RGS7: variants seen among roughly 807,000 people sequenced by gnomAD.
RGS7 encodes the protein regulator of G protein signaling 7, also known as regulator of G-protein signaling 7.
Under a neutral mutation model 81.1 loss-of-function variants are expected in RGS7, and 27 were observed. The ratio of observed to expected loss-of-function variants is 0.33; its 90% CI spans 0.25 to 0.46. The LOEUF (loss-of-function observed/expected upper bound fraction) is 0.46. RGS7 is among the 20% of genes least tolerant of loss of function. The pLI is 1.00. For missense variants in RGS7, 396 were observed against 607.4 expected, an observed-to-expected ratio of 0.65 and a Z score of 3.66; for synonymous variants, 208 against 207.7, an observed-to-expected ratio of 1.00 and a Z score of -0.01.
At chr1:240,792,896 TTTG>T (rs758420412) in intron 18 of RGS7, among the ~76,000 whole-genome samples, 2 of 152,108 alleles carry the variant, frequency 1.3e-5, no homozygotes, top group Non-Finnish European at 1.5e-5. Context: ...CAATAACTGT[TTTG>T]TTGTTGTTGT....
Position 241,248,401 on chromosome 1 carries a change from TATATATATATAC to T in RGS7, c.78+107286_78+107297del, listed in dbSNP as rs1315600885. 6.8e-5 allele frequency among the ~76,000 whole-genome samples: 10 copies of T among 147,556 alleles called. No homozygotes were observed. In the South Asian group the frequency reaches 1.5e-3, roughly 22 times the overall value. ...ATGTATATATACATACATACATATG[TATATATATATAC>T]ATATATATATAATCAAATAATCTCT... is the stretch of plus-strand genomic sequence containing the variant. On this transcript the variant is annotated intron_variant, in intron 2 of 18. Transcript: ENST00000440928.
chr1:241,282,949 T>C (rs1317658204), intron 2 of RGS7, among the ~76,000 whole-genome samples: 4 of 152,212 alleles, frequency 2.6e-5, no homozygotes, highest in African/African-American at 7.2e-5. Flanking sequence ...GTCGGTTCTT[T>C]ATAGAAGTAA....
intron 3 of RGS7, among the ~76,000 whole-genome samples, chr1:241,066,602 AG>A (rs1272694191): frequency 6.6e-6 from 1 of 151,812 alleles, no homozygotes; most frequent in African/African-American, 2.4e-5. Flanking sequence ...TTTTCTCCTA[AG>A]AAACCCCATC....
intron 2 of RGS7, among the ~76,000 whole-genome samples, chr1:241,151,878 T>C (rs2068780861): frequency 1.3e-5 from 2 of 152,182 alleles, no homozygotes; most frequent in Non-Finnish European, 2.9e-5. Context: ...AATGTTCACA[T>C]TGGCACCCAT....
chr1:240,971,063 T>TACA (rs1683132163), intron 4 of RGS7, among the ~76,000 whole-genome samples: 1 of 152,202 alleles, frequency 6.6e-6, no homozygotes, highest in African/African-American at 2.4e-5. Context: ...ACTGAATGTC[T>TACA]GTATCACCCC....
At chr1:241,015,318 C>CA (rs1453977184) in intron 3 of RGS7, among the ~76,000 whole-genome samples, 3 of 152,182 alleles carry the variant, frequency 2.0e-5, no homozygotes, top group South Asian at 2.1e-4. Context: ...TAGCTTAGAA[C>CA]AAAAAATATA....
At position 240,802,881 on chromosome 1, in the gene RGS7, A is replaced by C. The variant is rs1436838443; in HGVS notation, c.1359+23T>G. 2.0e-6 allele frequency: 3 copies of C among 1,502,744 alleles called. No homozygotes were observed. The South Asian group carries it at 3.4e-5, about 17-fold the overall frequency. The allele number at this position is 1,502,744 out of a possible 1,614,324, so 93.1% of individuals were successfully genotyped here. A position where few individuals can be genotyped will look rare whatever the true frequency, so the allele number is the denominator to read the frequency against. ...ATAACTGAGAACTAGGCCAAGAAAA[A>C]ACAACTCACAAAAAACCAGTACCTT... On this transcript the variant is annotated intron_variant, in intron 16 of 18. Transcript: ENST00000440928.
chr1:241,238,957 C>CCTCTCT lies in RGS7; in HGVS notation c.78+116736_78+116741dup, dbSNP rs777529991. ...CCAATGAGTCTCCAAATAGCTATTG[C>CCTCTCT]CTCTCTCTCTTTTTTTTTTTTTTTT... On this transcript the variant is annotated intron_variant, in intron 2 of 18. Transcript: ENST00000440928. 4.3e-4 allele frequency among the ~76,000 whole-genome samples: 54 copies of CCTCTCT among 125,442 alleles called. No individual in the cohort carries two copies. In the East Asian group the frequency reaches 7.9e-3, roughly 18 times the overall value. 82.3% of individuals were successfully genotyped at this position (125,442 alleles called of 152,430 possible). A position where few individuals can be genotyped will look rare whatever the true frequency, so the allele number is the denominator to read the frequency against.
At chr1:240,843,552 C>A (rs1658510697) in intron 9 of RGS7, among the ~76,000 whole-genome samples, 1 of 152,178 alleles carries the variant, frequency 6.6e-6, no homozygotes, top group Non-Finnish European at 1.5e-5. Flanking sequence ...AGGCATGAGC[C>A]ACTATGCCCG....
chr1:241,290,180 T>A (rs900494821), intron 2 of RGS7, among the ~76,000 whole-genome samples: 5 of 152,034 alleles, frequency 3.3e-5, no homozygotes, highest in Non-Finnish European at 7.4e-5. Flanking sequence ...ATTTAGGGAG[T>A]ACATATTTAA....
intron 2 of RGS7, among the ~76,000 whole-genome samples, chr1:241,148,120 G>A (rs899842530): frequency 1.6e-5 from 2 of 127,528 alleles, no homozygotes; most frequent in Non-Finnish European, 3.2e-5. Context: ...GTGCTATCTT[G>A]GCTCATTGCA....
At chr1:240,847,975 T>C (rs895786641) in intron 9 of RGS7, among the ~76,000 whole-genome samples, 1 of 152,162 alleles carries the variant, frequency 6.6e-6, no homozygotes, top group African/African-American at 2.4e-5. Flanking sequence ...CAAAAATGTA[T>C]AAAAAGCTTT....
chr1:241,262,620 T>C (rs2077394322), intron 2 of RGS7, among the ~76,000 whole-genome samples: 1 of 152,206 alleles, frequency 6.6e-6, no homozygotes, highest in Admixed American at 6.5e-5. Flanking sequence ...TTGTTACTAT[T>C]GTTCGTAGCA....
At chr1:240,823,195 G>C in intron 10 of RGS7, 4 of 929,524 alleles carry the variant, frequency 4.3e-6, no homozygotes, top group Non-Finnish European at 7.1e-6. Flanking sequence ...CAGGATAAGC[G>C]TGTCCATGGA....
chr1:240,997,362 C>T lies in RGS7; in HGVS notation c.176-14233G>A, dbSNP rs188650095. 3.3e-3 allele frequency among the ~76,000 whole-genome samples: 495 copies of T among 152,210 alleles called. 3 individuals are homozygous for T. The highest frequency in any genetic ancestry group is 0.011 in the African/African-American group (473 of 41,520). ...ATTCACACAACTTATTATAGCCTTC[C>T]GGTGTAATCACTTTACCAATTTGAG... is the stretch of plus-strand genomic sequence containing the variant. On this transcript the variant is annotated intron_variant, in intron 3 of 18. Transcript: ENST00000440928.
At chr1:240,974,344 A>T (rs1558544738) in intron 4 of RGS7, among the ~76,000 whole-genome samples, 1 of 152,174 alleles carries the variant, frequency 6.6e-6, no homozygotes, top group Non-Finnish European at 1.5e-5. Context: ...TTTTGTTTAG[A>T]TAAAAAACAA....
At chr1:241,282,528 T>C (rs141561594) in intron 2 of RGS7, among the ~76,000 whole-genome samples, 1 of 152,316 alleles carries the variant, frequency 6.6e-6, no homozygotes, top group East Asian at 1.9e-4. Flanking sequence ...CAAATAAGGA[T>C]CTCTTCCTTT....
At chr1:241,262,356 T>A (rs947703745) in intron 2 of RGS7, among the ~76,000 whole-genome samples, 8 of 152,210 alleles carry the variant, frequency 5.3e-5, no homozygotes, top group African/African-American at 1.9e-4. Context: ...GCAAAGTATC[T>A]CACTGTCAAT....
chr1:240,920,320 G>A, intron 6 of RGS7: 1 of 1,474,696 alleles, frequency 6.8e-7, no homozygotes, highest in South Asian at 1.1e-5. Context: ...AACTTCAGTG[G>A]TCATGGTGGC....
Sources: gnomAD v4.1 joint callset for allele counts (sites outside exome capture counted in the v4.1 genomes callset) on GRCh38, gnomAD v4.1.1 for gene constraint, MANE v1.5 for transcripts, NCBI Gene and HGNC (gene_info 2026-07-23, HGNC 2026-07-21) for gene names.